MTSS1: variants seen among roughly 807,000 people sequenced by gnomAD.
The protein encoded by MTSS1 is MTSS I-BAR domain containing 1, also known as protein MTSS 1.
In MTSS1, 18 loss-of-function variants were observed where a neutral mutation model predicts 79.0. The observed-to-expected ratio is 0.23, with a 90% CI of 0.16 to 0.34. MTSS1 has a LOEUF of 0.34. MTSS1 is among the 10% of genes least tolerant of loss of function. MTSS1 has a pLI of 1.00. For missense variants in MTSS1, 815 were observed against 986.2 expected, an observed-to-expected ratio of 0.83 and a Z score of 2.33; for synonymous variants, 341 against 368.6, an observed-to-expected ratio of 0.93 and a Z score of 0.86.
intron 3 of MTSS1, among the ~76,000 whole-genome samples, chr8:124,612,197 G>GA (rs1482343538): frequency 4.6e-5 from 7 of 152,158 alleles, no homozygotes; most frequent in African/African-American, 1.7e-4. Flanking sequence ...AACAACTGGG[G>GA]AAAAAAGAAA....
At position 124,585,068 on chromosome 8, in the gene MTSS1, G is replaced by A. The variant is rs781782002; in HGVS notation, c.460+19C>T. 1.6e-5 allele frequency: 26 copies of A among 1,603,724 alleles called. No homozygotes were observed. The highest frequency in any genetic ancestry group is 2.1e-5 in the Non-Finnish European group (25 of 1,173,418). Reference sequence around the variant, plus strand: ...ACTCCATCAGGAAGTAACATCAGTGGCAGAATTTTAGGAGTTACCTTTTTT... The same window carrying A: ...ACTCCATCAGGAAGTAACATCAGTGACAGAATTTTAGGAGTTACCTTTTTT... On this transcript the variant is annotated intron_variant, in intron 6 of 13. Coordinates refer to ENST00000518547, the MANE Select transcript of MTSS1 (RefSeq NM_014751.6).
At chr8:124,646,847 T>A (rs1819084848) in intron 3 of MTSS1, among the ~76,000 whole-genome samples, 1 of 152,088 alleles carries the variant, frequency 6.6e-6, no homozygotes, top group South Asian at 2.1e-4. Context: ...TCTGACAGTC[T>A]TCCTCTGTCA....
intron 1 of MTSS1, among the ~76,000 whole-genome samples, chr8:124,709,979 C>A (rs1387784823): frequency 6.6e-6 from 1 of 152,224 alleles, no homozygotes; most frequent in Non-Finnish European, 1.5e-5. Context: ...TGTCTATAAG[C>A]CTGAGGGCTT....
chr8:124,556,383 T>C lies in MTSS1; in HGVS notation c.1253A>G (p.Tyr418Cys). 6.2e-7 allele frequency: 1 copy of C among 1,613,688 alleles called. No homozygotes were observed. The highest frequency in any genetic ancestry group is 8.5e-7 in the Non-Finnish European group (1 of 1,179,756). ...SWKDWAKPGP[Y>C]DQPLVNTLQR... ...CAGGGTGTTCACCAGAGGCTGGTCA[T>C]AGGGCCCAGGCTTAGCCCAGTCCTA... Residue 418 changes from tyrosine (Y) to cysteine (C), a missense_variant, in exon 12 of 14, where the codon TAT (tyrosine) becomes TGT (cysteine). By Grantham distance (194) the Tyr-to-Cys change is radical (BLOSUM62 -2). Coordinates refer to ENST00000518547, the MANE Select transcript of MTSS1 (RefSeq NM_014751.6).
intron 3 of MTSS1, among the ~76,000 whole-genome samples, chr8:124,609,437 C>A (rs763866291): frequency 6.6e-6 from 1 of 152,218 alleles, no homozygotes; most frequent in Admixed American, 6.5e-5. Context: ...TCGGTTCCCA[C>A]CTGCTCCTAT....
At chr8:124,625,836 C>A (rs886425315) in intron 3 of MTSS1, among the ~76,000 whole-genome samples, 3 of 152,206 alleles carry the variant, frequency 2.0e-5, no homozygotes, top group Non-Finnish European at 2.9e-5. Flanking sequence ...CATGAGCAAA[C>A]CCTCATCCAC....
chr8:124,687,476 G>C (rs1461882607), intron 3 of MTSS1, among the ~76,000 whole-genome samples: 1 of 152,198 alleles, frequency 6.6e-6, no homozygotes, highest in Non-Finnish European at 1.5e-5. Flanking sequence ...TGCTTAAGTG[G>C]CAAATCAAGG....
rs574128084 is a variant in MTSS1 at position 124,610,240 on chromosome 8, A to G, written c.209-19005T>C. Among the ~76,000 whole-genome samples, 27 of 152,356 alleles carry G rather than the reference A, an allele frequency of 1.8e-4. No individual in the cohort carries two copies. The South Asian group carries it at 4.6e-3, about 26-fold the overall frequency. On this transcript the variant is annotated intron_variant, in intron 3 of 13. Coordinates refer to ENST00000518547, the MANE Select transcript of MTSS1 (RefSeq NM_014751.6). ...AAAATGAAAACAAAACAACGAATCA[A>G]GTCGTTTTATTTTGTGACATGGGGC... is the stretch of plus-strand genomic sequence containing the variant.
intron 3 of MTSS1, among the ~76,000 whole-genome samples, chr8:124,618,937 G>C (rs1459473691): frequency 6.6e-6 from 1 of 152,222 alleles, no homozygotes; most frequent in Non-Finnish European, 1.5e-5. Flanking sequence ...TAAGGAGCTA[G>C]TGCTTTGCTC....
intron 3 of MTSS1, among the ~76,000 whole-genome samples, chr8:124,650,348 G>C (rs1020545516): frequency 1.2e-4 from 18 of 152,174 alleles, no homozygotes; most frequent in African/African-American, 2.9e-4. Flanking sequence ...ATGTTTTAAA[G>C]GGCTGTGAAA....
At chr8:124,557,930 T>A (rs938962275) in intron 10 of MTSS1, 55 bp from the exon 11 acceptor site, 3 of 1,388,488 alleles carry the variant, frequency 2.2e-6, no homozygotes, top group African/African-American at 1.4e-5. Context: ...TATAACAGGA[T>A]GAGTGCGGAG....
chr8:124,680,838 A>G (rs1826013600), intron 3 of MTSS1, among the ~76,000 whole-genome samples: 1 of 152,192 alleles, frequency 6.6e-6, no homozygotes, highest in African/African-American at 2.4e-5. Context: ...ACATCTACCC[A>G]GCTGCTTTGA....
intron 3 of MTSS1, among the ~76,000 whole-genome samples, chr8:124,659,185 T>C (rs1254162809): frequency 2.0e-5 from 3 of 152,156 alleles, no homozygotes; most frequent in Non-Finnish European, 4.4e-5. Context: ...AAATGAATAA[T>C]GCACAATAAA....
At chr8:124,572,722 C>A (rs1828048691) in intron 6 of MTSS1, among the ~76,000 whole-genome samples, 1 of 149,618 alleles carries the variant, frequency 6.7e-6, no homozygotes, top group Non-Finnish European at 1.5e-5. Flanking sequence ...CAGCCCTGGG[C>A]TACTTTCTTT....
rs940648282 is a variant in MTSS1 at position 124,567,155 on chromosome 8, C to G, written c.642G>C (p.Gly214=). 1.2e-6 allele frequency: 2 copies of G among 1,613,690 alleles called. No homozygotes were observed. Among genetic ancestry groups the G allele is most frequent in the African/African-American group, 1.3e-5 (1 of 75,032 alleles). ...PVIEEEISML[G]EITHLQTISE... ...AGATGGTCTGAAGGTGGGTTATTTC[C>G]CCTAGCATTGAGATTTCTTCTTCCT... The change falls in exon 8 of 14, where the codon GGG becomes GGC. Residue 214 remains glycine (G), a synonymous_variant. Transcript: ENST00000518547.
intron 6 of MTSS1, among the ~76,000 whole-genome samples, chr8:124,574,346 CATT>C (rs33979877): frequency 0.26 from 40,020 of 151,810 alleles, 5,726 homozygotes; most frequent in African/African-American, 0.36. Context: ...TTTCCTTAAT[CATT>C]ATTACATAAC....
chr8:124,711,730 G>A (rs1831193260), intron 1 of MTSS1, among the ~76,000 whole-genome samples: 1 of 152,120 alleles, frequency 6.6e-6, no homozygotes, highest in African/African-American at 2.4e-5. Context: ...CACGAGGCTG[G>A]GCGCAGTGCC....
At chr8:124,578,579 G>A (rs866820229) in intron 6 of MTSS1, among the ~76,000 whole-genome samples, 10 of 152,054 alleles carry the variant, frequency 6.6e-5, no homozygotes, top group Middle Eastern at 3.4e-3. Context: ...AGGATCACCC[G>A]AGGTCAGGAG....
At chr8:124,567,622 C>A in intron 7 of MTSS1, 1 of 1,391,458 alleles carries the variant, frequency 7.2e-7, no homozygotes, top group South Asian at 1.7e-5. Flanking sequence ...GCTAACTTTT[C>A]CCCTTCTTTC....
Sources: gnomAD v4.1 joint callset for allele counts (sites outside exome capture counted in the v4.1 genomes callset) on GRCh38, gnomAD v4.1.1 for gene constraint, MANE v1.5 for transcripts, NCBI Gene and HGNC (gene_info 2026-07-23, HGNC 2026-07-21) for gene names.